Variants in RBMS2 observed in about 807,000 individuals in gnomAD.
The protein encoded by RBMS2 is RNA binding motif single stranded interacting protein 2.
A neutral mutation model predicts 58.4 loss-of-function variants in RBMS2; 38 were observed. The ratio of observed to expected loss-of-function variants is 0.65; its 90% CI spans 0.50 to 0.85. The LOEUF (loss-of-function observed/expected upper bound fraction) is 0.85, where lower values mean the gene tolerates loss of function less well. Ranked by LOEUF, RBMS2 falls within the 40% of genes least tolerant of loss-of-function variation. The probability of loss-of-function intolerance (pLI) is 0.00; values close to 1 mark genes in which losing one functional copy is unlikely to be tolerated. For missense variants in RBMS2, 367 were observed against 503.7 expected (o/e 0.73, Z 2.60); for synonymous variants, 151 against 180.7 (o/e 0.84, Z 1.32).
intron 5 of RBMS2, among the ~76,000 whole-genome samples, chr12:56,580,835 G>A (rs780323831): frequency 6.6e-6 from 1 of 152,104 alleles, no homozygotes; most frequent in African/African-American, 2.4e-5. Flanking sequence ...TCAAATTAAA[G>A]GAACAATTTT....
intron 1 of RBMS2, among the ~76,000 whole-genome samples, chr12:56,539,341 A>G (rs140102196): frequency 9.2e-4 from 140 of 152,196 alleles, no homozygotes; most frequent in African/African-American, 3.1e-3. Flanking sequence ...CTATAAGTCT[A>G]TGTTTGTGTA....
rs545761255 is a variant in RBMS2 at position 56,537,731 on chromosome 12, T to A, written c.66+15642T>A. Among the ~76,000 whole-genome samples, 17 of 152,286 alleles carry A rather than the reference T, an allele frequency of 1.1e-4. No individual in the cohort carries two copies. The South Asian group carries it at 2.9e-3, about 26-fold the overall frequency. On this transcript the variant is annotated intron_variant, in intron 1 of 13. Coordinates refer to ENST00000262031, the MANE Select transcript of RBMS2 (RefSeq NM_002898.4). Reference sequence around the variant, plus strand: ...TTTGGGTATATACCCAGAAGTGGAATTGCTACATCATATGGCAAGTCTATT... The same window carrying A: ...TTTGGGTATATACCCAGAAGTGGAAATGCTACATCATATGGCAAGTCTATT...
At chr12:56,588,432 C>A in intron 12 of RBMS2, 58 bp downstream of exon 12, 1 of 1,453,782 alleles carries the variant, frequency 6.9e-7, no homozygotes, top group Non-Finnish European at 9.6e-7. Context: ...AGGCAGGTTT[C>A]CCCCTGATCA....
At chr12:56,550,590 C>A (rs532418273) in intron 1 of RBMS2, among the ~76,000 whole-genome samples, 11 of 151,684 alleles carry the variant, frequency 7.3e-5, no homozygotes, top group Non-Finnish European at 1.0e-4. Context: ...GCCTGTAATT[C>A]CAGCACTTTG....
At chr12:56,532,019 G>A (rs866160644) in intron 1 of RBMS2, among the ~76,000 whole-genome samples, 3 of 151,554 alleles carry the variant, frequency 2.0e-5, no homozygotes, top group Non-Finnish European at 2.9e-5. Context: ...TCAGGAGTTC[G>A]AGACCAGTCT....
chr12:56,582,618 C>G (rs1884114886), intron 9 of RBMS2, among the ~76,000 whole-genome samples: 1 of 152,176 alleles, frequency 6.6e-6, no homozygotes, highest in Admixed American at 6.5e-5. Context: ...CCCTCCAAAT[C>G]TACTGAATTA....
At chr12:56,586,967 G>A (rs1445140270) in intron 10 of RBMS2, 41 bp downstream of exon 10, 1 of 1,579,858 alleles carries the variant, frequency 6.3e-7, no homozygotes, top group Non-Finnish European at 8.7e-7. Context: ...GAGGCAATTT[G>A]ATGTAAAGAA....
upstream of RBMS2, among the ~76,000 whole-genome samples, chr12:56,520,438 CAG>C (rs1310026343): frequency 6.6e-6 from 1 of 152,294 alleles, no homozygotes; most frequent in Admixed American, 6.5e-5. Context: ...TGTCACAAAA[CAG>C]ACAGGGTTAA....
intron 1 of RBMS2, among the ~76,000 whole-genome samples, chr12:56,551,823 T>C (rs1336806304): frequency 6.6e-6 from 1 of 152,184 alleles, no homozygotes; most frequent in Non-Finnish European, 1.5e-5. Flanking sequence ...CATGGTGGCT[T>C]ACACCTGTAA....
chr12:56,588,887 G>A (rs1415657235), intron 12 of RBMS2, 45 bp from the exon 13 acceptor site: 16 of 1,598,634 alleles, frequency 1.0e-5, no homozygotes, highest in Non-Finnish European at 1.3e-5. Context: ...GTGGAGGTGA[G>A]GAAAGGAATG....
chr12:56,562,599 T>C lies in RBMS2; in HGVS notation c.233+16T>C, dbSNP rs765222143. 1.2e-6 allele frequency: 2 copies of C among 1,608,286 alleles called. No individual in the cohort carries two copies. The highest frequency in any genetic ancestry group is 3.3e-5 in the Admixed American group (2 of 59,992). The stretch of plus-strand genomic sequence containing the variant: ...TGTGTCAGCCGTAAGTTGGAGTACA[T>C]GTGCGTAGGCTTCCAGGGACAGTAT... On this transcript the variant is annotated intron_variant, in intron 2 of 13. Transcript: ENST00000262031.
intron 1 of RBMS2, among the ~76,000 whole-genome samples, chr12:56,546,478 A>G (rs932955001): frequency 4.2e-5 from 5 of 119,208 alleles, no homozygotes; most frequent in Non-Finnish European, 7.7e-5. Context: ...TGTATATTAT[A>G]TTTTATATAC....
rs773835910 is a variant in RBMS2 at position 56,581,220 on chromosome 12, C to T, written c.579C>T (p.Thr193=). The part of the protein sequence containing the change: ...ESTEKCEAII[T]HFNGKYIKTP... ...CAGAGAAGTGTGAAGCCATCATCACCCACTTTAATGGAAAATATATTAAGA... is the reference window on the plus strand; with the variant it reads ...CAGAGAAGTGTGAAGCCATCATCACTCACTTTAATGGAAAATATATTAAGA... The change falls in exon 6 of 14, where the codon ACC becomes ACT. Residue 193 remains threonine (T), a synonymous_variant. Coordinates refer to ENST00000262031, the MANE Select transcript of RBMS2 (RefSeq NM_002898.4). 6.2e-7 allele frequency: 1 copy of T among 1,609,834 alleles called. No individual in the cohort carries two copies. Among genetic ancestry groups the T allele is most frequent in the African/African-American group, 1.3e-5 (1 of 74,826 alleles).
At chr12:56,548,924 T>C (rs1877739135) in intron 1 of RBMS2, among the ~76,000 whole-genome samples, 1 of 152,158 alleles carries the variant, frequency 6.6e-6, no homozygotes, top group Non-Finnish European at 1.5e-5. Flanking sequence ...AATGAATGGA[T>C]ACAGGATTCA....
At chr12:56,579,175 A>C (rs1013600114) in intron 5 of RBMS2, among the ~76,000 whole-genome samples, 4 of 152,152 alleles carry the variant, frequency 2.6e-5, no homozygotes, top group African/African-American at 9.7e-5. Flanking sequence ...CAGGAAGATC[A>C]GATTTAACAG....
chr12:56,580,373 C>T (rs1883774010), intron 5 of RBMS2: 1 of 336,598 alleles, frequency 3.0e-6, no homozygotes, highest in Non-Finnish European at 5.8e-6. Context: ...GCTGGGACTA[C>T]AGGCAAGTGC....
At chr12:56,547,368 T>C (rs7298042) in intron 1 of RBMS2, among the ~76,000 whole-genome samples, 142,799 of 151,236 alleles carry the variant, frequency 0.94, 67,778 homozygotes, top group East Asian at 1. Flanking sequence ...AAAACAAAAA[T>C]GAAAAAAGTT....
rs751950093 is a variant in RBMS2 at position 56,582,122 on chromosome 12, A to G, written c.843A>G (p.Pro281=). 11 of 1,611,840 alleles carry G rather than the reference A, an allele frequency of 6.8e-6. No individual in the cohort carries two copies. The highest frequency in any genetic ancestry group is 5.9e-6 in the Non-Finnish European group (7 of 1,178,254). Residue 281 remains proline (P), a synonymous_variant, in exon 9 of 14, where the codon CCA becomes CCG. Transcript: ENST00000262031. ...TGCTTGCTCAGTCTGCACTCTCCCC[A>G]TACCTTTCCTCTCCTGTGTCTTCGT... ...NRMLAQSALS[P]YLSSPVSSYQ...
intron 1 of RBMS2, among the ~76,000 whole-genome samples, chr12:56,545,704 C>A (rs910361238): frequency 4.6e-5 from 7 of 152,240 alleles, no homozygotes; most frequent in African/African-American, 1.7e-4. Context: ...TGATTGGCTT[C>A]TGTCTCTTTG....
Sources: gnomAD v4.1 joint callset for allele counts (sites outside exome capture counted in the v4.1 genomes callset) on GRCh38, gnomAD v4.1.1 for gene constraint, MANE v1.5 for transcripts, NCBI Gene and HGNC (gene_info 2026-07-23, HGNC 2026-07-21) for gene names.